Variants in ZFAT observed in about 807,000 individuals in gnomAD.
The protein encoded by ZFAT is zinc finger and AT-hook domain containing.
ZFAT carries 64 observed loss-of-function variants against 117.7 expected under a neutral mutation model. The observed-to-expected ratio is 0.54, with a 90% confidence interval of 0.44 to 0.67. The LOEUF (loss-of-function observed/expected upper bound fraction) is 0.67. Ranked by LOEUF, ZFAT falls within the 30% of genes least tolerant of loss-of-function variation. The pLI, the probability that ZFAT is intolerant of heterozygous loss-of-function variation, is 0.00. For synonymous variants in ZFAT, 679 were observed against 615.0 expected, an observed-to-expected ratio of 1.10 and a Z score of -1.54; for missense variants, 1,433 against 1,584.5, an observed-to-expected ratio of 0.90 and a Z score of 1.62.
chr8:134,518,835 T>C (rs909141931), intron 13 of ZFAT, among the ~76,000 whole-genome samples: 4 of 152,142 alleles, frequency 2.6e-5, no homozygotes, highest in Non-Finnish European at 5.9e-5. Flanking sequence ...TATGTTATAG[T>C]AAACAGATTC....
chr8:134,729,034 T>C, the ZFAT span, among the ~76,000 whole-genome samples: 1 of 152,240 alleles, frequency 6.6e-6, no homozygotes, highest in Non-Finnish European at 1.5e-5. Flanking sequence ...AAATAATCCT[T>C]AAATATTCTT....
intron 11 of ZFAT, among the ~76,000 whole-genome samples, chr8:134,560,618 CGTGGACTTATCTA>C (rs1563849396): frequency 1.3e-5 from 2 of 151,700 alleles, no homozygotes; most frequent in African/African-American, 4.9e-5. Flanking sequence ...CATAATGATA[CGTGGACTTATCTA>C]TTTGGAAGAA....
intron 1 of ZFAT, among the ~76,000 whole-genome samples, chr8:134,705,836 C>T (rs1231679476): frequency 6.6e-6 from 1 of 152,032 alleles, no homozygotes; most frequent in Non-Finnish European, 1.5e-5. Flanking sequence ...ACCACCCAGC[C>T]CCCAATTTAT....
chr8:134,718,387 A>G, the ZFAT span, among the ~76,000 whole-genome samples: 2 of 152,092 alleles, frequency 1.3e-5, no homozygotes, highest in Admixed American at 1.3e-4. Flanking sequence ...AATCCCAGCT[A>G]CTTGGGAGGC....
the ZFAT span, among the ~76,000 whole-genome samples, chr8:134,728,898 CT>C: frequency 9.9e-5 from 15 of 151,894 alleles, no homozygotes; most frequent in Admixed American, 9.8e-4. Flanking sequence ...GAGTTCATTC[CT>C]TTTTTTCCAG....
In ZFAT at chr8:134,510,090, T is replaced by C. The variant is rs542341003; in HGVS notation, c.3362-341A>G. On this transcript the variant is annotated intron_variant, in intron 14 of 15. Coordinates refer to ENST00000377838, the MANE Select transcript of ZFAT (RefSeq NM_020863.4). ...CTCTGAGTCCTAACATGCGGACATG[T>C]GGCTGCCCTCGAAGCTGAACTCCTG... The C allele has an allele frequency of 1.9e-3, 879 of 463,728 alleles. 7 individuals are homozygous for C. Among genetic ancestry groups the C allele is most frequent in the South Asian group, 4.5e-3 (292 of 64,646 alleles). 28.7% of individuals were successfully genotyped at this position (463,728 alleles called of 1,614,324 possible).
chr8:134,483,958 C>T (rs906453736), intron 15 of ZFAT, among the ~76,000 whole-genome samples: 3 of 152,224 alleles, frequency 2.0e-5, no homozygotes, highest in Admixed American at 2.0e-4. Flanking sequence ...CATTGTCTCA[C>T]TTTCTTCCTA....
chr8:134,788,100 A>G, the ZFAT span, among the ~76,000 whole-genome samples: 1 of 152,082 alleles, frequency 6.6e-6, no homozygotes, highest in Non-Finnish European at 1.5e-5. Context: ...AGAGGTTATT[A>G]TTGTTTTTAG....
At chr8:134,511,122 C>CA (rs1244743235) in intron 14 of ZFAT, 2 of 152,318 alleles carry the variant, frequency 1.3e-5, no homozygotes, top group African/African-American at 4.8e-5. Context: ...GAGACAGTGA[C>CA]AAGGCCAGGC....
intron 5 of ZFAT, among the ~76,000 whole-genome samples, chr8:134,604,311 G>C (rs769708935): frequency 7.2e-5 from 11 of 152,166 alleles, no homozygotes; most frequent in Non-Finnish European, 1.3e-4. Flanking sequence ...TCTGACTCTA[G>C]AGCCTACACG....
chr8:134,530,616 G>A (rs1004853892), intron 12 of ZFAT, among the ~76,000 whole-genome samples: 1 of 152,138 alleles, frequency 6.6e-6, no homozygotes, highest in Admixed American at 6.5e-5. Context: ...AAGGGAATGG[G>A]GGGATAAACA....
chr8:134,571,096 G>C (rs1824861359), intron 10 of ZFAT, among the ~76,000 whole-genome samples: 1 of 152,218 alleles, frequency 6.6e-6, no homozygotes, highest in African/African-American at 2.4e-5. Flanking sequence ...CCTGATCCCA[G>C]GAGATGAGAG....
At chr8:134,671,410 C>G (rs1339980326) in intron 1 of ZFAT, among the ~76,000 whole-genome samples, 2 of 152,222 alleles carry the variant, frequency 1.3e-5, no homozygotes, top group African/African-American at 4.8e-5. Context: ...CCACCATGAT[C>G]AAGTGGGCTT....
intron 1 of ZFAT, among the ~76,000 whole-genome samples, chr8:134,687,030 G>A (rs1471157057): frequency 6.6e-6 from 1 of 152,126 alleles, no homozygotes; most frequent in African/African-American, 2.4e-5. Flanking sequence ...GTGTGGGGCA[G>A]ACCCACCAGC....
At chr8:134,731,609 C>T in the ZFAT span, among the ~76,000 whole-genome samples, 2 of 152,208 alleles carry the variant, frequency 1.3e-5, no homozygotes, top group African/African-American at 4.8e-5. Flanking sequence ...ACAGTGTGCT[C>T]AGTTTTTGAA....
the ZFAT span, among the ~76,000 whole-genome samples, chr8:134,761,615 G>T: frequency 6.6e-6 from 1 of 151,902 alleles, no homozygotes; most frequent in African/African-American, 2.4e-5. Flanking sequence ...CAGGAGAATC[G>T]CTTGAACCTG....
the ZFAT span, among the ~76,000 whole-genome samples, chr8:134,761,274 G>T: frequency 1.3e-5 from 2 of 152,098 alleles, no homozygotes; most frequent in Admixed American, 6.6e-5. Flanking sequence ...ACCTTCAAAG[G>T]ACTGAGGGTA....
intron 15 of ZFAT, among the ~76,000 whole-genome samples, chr8:134,491,735 G>A (rs918793788): frequency 2.0e-5 from 3 of 152,126 alleles, no homozygotes; most frequent in East Asian, 1.9e-4. Context: ...TTAAGGACAC[G>A]TGTGATCACA....
At chr8:134,819,496 A>ACCCCCCCCCCCCCCCCCC in the ZFAT span, among the ~76,000 whole-genome samples, 6 of 39,334 alleles carry the variant, frequency 1.5e-4, no homozygotes, top group Non-Finnish European at 2.3e-4. Context: ...CGGATTTACC[A>ACCCCCCCCCCCCCCCCCC]CCCCCCCCCC....
Sources: allele counts gnomAD v4.1 joint callset (sites outside exome capture counted in the v4.1 genomes callset), GRCh38; gene constraint gnomAD v4.1.1; transcripts MANE v1.5; gene names NCBI Gene and HGNC (gene_info 2026-07-23, HGNC 2026-07-21).